The following SNX30 variants were observed in gnomAD, a reference collection of about 807,000 sequenced individuals.
SNX30 encodes sorting nexin-30.
A neutral mutation model predicts 46.4 loss-of-function variants in SNX30; 24 were observed. That is an observed-to-expected ratio of 0.52 (90% CI 0.37 to 0.73). The LOEUF (loss-of-function observed/expected upper bound fraction) is 0.73, where lower values mean the gene tolerates loss of function less well. Ranked by LOEUF, SNX30 falls within the 30% of genes least tolerant of loss-of-function variation. The pLI, the probability that SNX30 is intolerant of heterozygous loss-of-function variation, is 0.00. For synonymous variants in SNX30, 189 were observed against 211.5 expected (o/e 0.89, Z 0.92); for missense variants, 533 against 555.7 (o/e 0.96, Z 0.41).
At chr9:112,849,671 C>T (rs1840993902) in intron 6 of SNX30, among the ~76,000 whole-genome samples, 1 of 152,186 alleles carries the variant, frequency 6.6e-6, no homozygotes, top group African/African-American at 2.4e-5. Flanking sequence ...CCGGTATTGA[C>T]ACATTCCATT....
At chr9:112,853,091 C>T (rs1841056766) in intron 7 of SNX30, among the ~76,000 whole-genome samples, 1 of 152,174 alleles carries the variant, frequency 6.6e-6, no homozygotes, top group South Asian at 2.1e-4. Context: ...ACAAATTGCC[C>T]AGCCTCTTTG....
At chr9:112,789,292 C>T (rs780771478) in intron 1 of SNX30, among the ~76,000 whole-genome samples, 1 of 152,126 alleles carries the variant, frequency 6.6e-6, no homozygotes. Flanking sequence ...TCGGAAATGC[C>T]TCTCGCCCTT....
Position 112,838,717 on chromosome 9 carries a change from G to C in SNX30, c.1014+20G>C. On this transcript the variant is annotated intron_variant, in intron 6 of 8. Transcript: ENST00000374232. ...ATGAAGGTAAGCTGGCTTGCTTCTT[G>C]TGTATTTGCATACTTTCTTTGTAAT... The C allele has an allele frequency of 6.2e-7, 1 of 1,608,006 alleles. No homozygotes were observed. Among genetic ancestry groups the C allele is most frequent in the South Asian group, 1.1e-5 (1 of 90,792 alleles).
chr9:112,760,182 G>A (rs142622618), intron 1 of SNX30, among the ~76,000 whole-genome samples: 384 of 152,290 alleles, frequency 2.5e-3, no homozygotes, highest in Non-Finnish European at 3.7e-3. Flanking sequence ...GTTACCCTCA[G>A]GACTGGAGGG....
intron 1 of SNX30, among the ~76,000 whole-genome samples, chr9:112,775,154 CTTTTT>C (rs1167634002): frequency 8.8e-6 from 1 of 113,914 alleles, no homozygotes; most frequent in Non-Finnish European, 1.8e-5. Flanking sequence ...TTTTTTCTTT[CTTTTT>C]TTTTTTTTTT....
intron 1 of SNX30, among the ~76,000 whole-genome samples, chr9:112,763,753 G>A (rs911269333): frequency 2.0e-5 from 3 of 151,820 alleles, no homozygotes; most frequent in Admixed American, 6.6e-5. Context: ...GGAGGCTGAG[G>A]CAGGAGAATC....
At chr9:112,760,668 G>C (rs1201343726) in intron 1 of SNX30, among the ~76,000 whole-genome samples, 1 of 152,184 alleles carries the variant, frequency 6.6e-6, no homozygotes, top group Non-Finnish European at 1.5e-5. Context: ...GTTAGAACGG[G>C]TTCCTGGTTA....
chr9:112,778,468 C>G (rs938247883), intron 1 of SNX30, among the ~76,000 whole-genome samples: 5 of 152,070 alleles, frequency 3.3e-5, no homozygotes, highest in Non-Finnish European at 7.4e-5. Flanking sequence ...GAGGGGGTTT[C>G]GCCATGTTGG....
At chr9:112,867,984 T>G (rs1841388111) in intron 8 of SNX30, among the ~76,000 whole-genome samples, 3 of 152,164 alleles carry the variant, frequency 2.0e-5, no homozygotes, top group Admixed American at 1.3e-4. Context: ...GTGTTCTGAG[T>G]TCTTGGCCTT....
rs76343579 is a variant in SNX30, at chr9:112,859,247, T to C, written c.1102-5000T>C. ...CTTGGTTTATCCATGTTGTAATGTG[T>C]TAGAATTCCCTTCCTTTTTGAGGCT... is the stretch of plus-strand genomic sequence containing the variant. On this transcript the variant is annotated intron_variant, in intron 7 of 8. Coordinates refer to ENST00000374232, the MANE Select transcript of SNX30 (RefSeq NM_001012994.2). Among the ~76,000 whole-genome samples, 109 of 152,334 alleles carry C rather than the reference T, an allele frequency of 7.2e-4. 1 individual carries two copies. The East Asian group carries it at 0.019, about 27-fold the overall frequency.
At chr9:112,781,375 C>G (rs1663409407) in intron 1 of SNX30, among the ~76,000 whole-genome samples, 1 of 151,936 alleles carries the variant, frequency 6.6e-6, no homozygotes, top group African/African-American at 2.4e-5. Flanking sequence ...AAATCCTTTC[C>G]CCAGTTTGTT....
At chr9:112,758,147 T>C (rs956939054) in intron 1 of SNX30, among the ~76,000 whole-genome samples, 1 of 152,156 alleles carries the variant, frequency 6.6e-6, no homozygotes, top group Non-Finnish European at 1.5e-5. Flanking sequence ...TCCATAGCCA[T>C]GTTTTCTTTC....
intron 6 of SNX30, among the ~76,000 whole-genome samples, chr9:112,840,396 A>G (rs569578426): frequency 5.9e-5 from 9 of 152,346 alleles, no homozygotes; most frequent in South Asian, 4.1e-4. Flanking sequence ...TTTTGATCCT[A>G]TGGCCAAAAC....
In SNX30 at chr9:112,868,776, C is replaced by A; in HGVS notation, c.1255-8C>A. On this transcript the variant is annotated splice_region_variant and splice_polypyrimidine_tract_variant and intron_variant, in intron 8 of 8. Transcript: ENST00000374232. The stretch of plus-strand genomic sequence containing the variant: ...AGCTGATACTGTGTGTGTATGTTGT[C>A]GTTCCAGTGCCTCATGGCGTGGGAG... 2.5e-6 allele frequency: 4 copies of A among 1,613,938 alleles called. No individual in the cohort carries two copies. Among genetic ancestry groups the A allele is most frequent in the Non-Finnish European group, 3.4e-6 (4 of 1,179,852 alleles).
chr9:112,819,270 T>C (rs907072098), intron 3 of SNX30, among the ~76,000 whole-genome samples: 4 of 144,438 alleles, frequency 2.8e-5, no homozygotes, highest in East Asian at 4.0e-4. Flanking sequence ...TTCTTTCTTT[T>C]TTTTTTTTTT....
At chr9:112,868,046 G>A (rs1043157774) in intron 8 of SNX30, among the ~76,000 whole-genome samples, 2 of 152,182 alleles carry the variant, frequency 1.3e-5, no homozygotes, top group Middle Eastern at 3.2e-3. Context: ...GAACATCAGC[G>A]TGGGAACCAT....
chr9:112,866,237 CTG>C (rs1841340968), intron 8 of SNX30, among the ~76,000 whole-genome samples: 1 of 151,964 alleles, frequency 6.6e-6, no homozygotes, highest in African/African-American at 2.4e-5. Flanking sequence ...GAACGGGAAA[CTG>C]GGGGAGAAAA....
chr9:112,804,834 C>A lies in SNX30; in HGVS notation c.215C>A (p.Ser72Tyr). The A allele has an allele frequency of 6.2e-7, 1 of 1,613,920 alleles. No individual in the cohort carries two copies. The highest frequency in any genetic ancestry group is 8.5e-7 in the Non-Finnish European group (1 of 1,179,866). The change falls in exon 2 of 9, where the codon TCT becomes TAT. Residue 72 changes from serine to tyrosine, a missense_variant. Ser to Tyr is a moderately radical substitution (Grantham distance 144). Transcript: ENST00000374232. The stretch of plus-strand genomic sequence containing the variant: ...GGTACTTCAAGTCCAGCTTCTTCAT[C>A]TTCCCTTCTCAACAGACTTCAGCTT... ...PAGTSSPASS[S>Y]SLLNRLQLDD...
downstream of SNX30, chr9:112,878,917 T>G (rs1841545688): frequency 6.6e-6 from 1 of 152,194 alleles, no homozygotes; most frequent in African/African-American, 2.4e-5. Context: ...ATTCACACAC[T>G]CATACAATGA....
Sources: gnomAD v4.1 joint callset for allele counts (sites outside exome capture counted in the v4.1 genomes callset) on GRCh38, gnomAD v4.1.1 for gene constraint, MANE v1.5 for transcripts, NCBI Gene and HGNC (gene_info 2026-07-23, HGNC 2026-07-21) for gene names.